PTPRN2: variants seen among roughly 807,000 people sequenced by gnomAD.
PTPRN2 encodes the protein protein tyrosine phosphatase receptor type N2.
PTPRN2 carries 74 observed loss-of-function variants against 118.8 expected under a neutral mutation model. The observed-to-expected ratio is 0.62, with a 90% CI of 0.52 to 0.76. PTPRN2 has a LOEUF of 0.76. Ranked by LOEUF, PTPRN2 falls within the 30% of genes least tolerant of loss-of-function variation. The pLI is 0.00. For synonymous variants in PTPRN2, 641 were observed against 608.0 expected (o/e 1.05, Z -0.80); for missense variants, 1,481 against 1,394.4 (o/e 1.06, Z -0.99).
chr7:157,764,866 ATCCATCCT>A lies in PTPRN2; in HGVS notation c.1789-81937_1789-81930del, dbSNP rs540884729. On this transcript the variant is annotated intron_variant, in intron 12 of 22. Coordinates refer to ENST00000389418, the MANE Select transcript of PTPRN2 (RefSeq NM_002847.5). This position sits in a 1 kb window ranked among gnomAD's most constrained non-coding sequence, Gnocchi z 4.5. Reference sequence around the variant, plus strand: ...TCATCCATCCATCCATCAAGCACTCATCCATCCTTCCATCCTTCATCCACCCATCCATC... The same window carrying A: ...TCATCCATCCATCCATCAAGCACTCATCCATCCTTCATCCACCCATCCATC... Among the ~76,000 whole-genome samples the A allele has an allele frequency of 2.6e-5, 4 of 151,774 alleles. No individual in the cohort carries two copies. The highest frequency in any genetic ancestry group is 4.2e-4 in the South Asian group (2 of 4,796).
At chr7:157,644,124 C>G (rs1020913723) in intron 14 of PTPRN2, among the ~76,000 whole-genome samples, 1 of 152,336 alleles carries the variant, frequency 6.6e-6, no homozygotes, top group South Asian at 2.1e-4. Context: ...CGCAACATAA[C>G]CTCATTTGCA....
chr7:157,594,522 C>T (rs537069825), intron 17 of PTPRN2, among the ~76,000 whole-genome samples: 2 of 152,352 alleles, frequency 1.3e-5, no homozygotes, highest in South Asian at 2.1e-4. Context: ...TTCCCACCTT[C>T]GTCCCCAGCT....
chr7:158,515,187 ATTT>A (rs56906268), intron 1 of PTPRN2, among the ~76,000 whole-genome samples: 2 of 139,154 alleles, frequency 1.4e-5, no homozygotes, highest in Non-Finnish European at 1.6e-5. Flanking sequence ...CAGTGAGTGT[ATTT>A]TTTTTTTTTT....
At chr7:158,243,386 T>C (rs1364529030) in intron 3 of PTPRN2, among the ~76,000 whole-genome samples, 1 of 152,174 alleles carries the variant, frequency 6.6e-6, no homozygotes, top group East Asian at 1.9e-4. Flanking sequence ...TAAAAATGAT[T>C]CCCATGTGAG....
intron 12 of PTPRN2, among the ~76,000 whole-genome samples, chr7:157,888,414 C>T (rs1048044023): frequency 2.6e-5 from 4 of 152,154 alleles, no homozygotes; most frequent in African/African-American, 4.8e-5. Flanking sequence ...ACCGCTTTCG[C>T]TCCATTCTGA....
At position 157,784,328 on chromosome 7, in the gene PTPRN2, G is replaced by A. The variant is rs768040959; in HGVS notation, c.1789-101391C>T. Among the ~76,000 whole-genome samples the A allele has an allele frequency of 9.9e-5, 15 of 152,134 alleles. No homozygotes were observed. The highest frequency in any genetic ancestry group is 1.6e-4 in the Non-Finnish European group (11 of 68,028). On this transcript the variant is annotated intron_variant, in intron 12 of 22. Transcript: ENST00000389418. The surrounding 1 kb of genome is among the most constrained non-coding windows in gnomAD (Gnocchi z 4.6). ...CAGCATCTGCACAGTGACGGATTAG[G>A]GGGGCGGTTCAGCAGCCCCTCGAAC...
chr7:158,274,623 G>A (rs1350689479), intron 3 of PTPRN2, among the ~76,000 whole-genome samples: 1 of 152,170 alleles, frequency 6.6e-6, no homozygotes, highest in African/African-American at 2.4e-5. Context: ...AGCCTTCCTG[G>A]GAACGCTGTG....
chr7:157,767,069 C>T (rs1473238815), intron 12 of PTPRN2, among the ~76,000 whole-genome samples: 1 of 152,126 alleles, frequency 6.6e-6, no homozygotes, highest in Non-Finnish European at 1.5e-5. Context: ...GCCACAGCTC[C>T]CCCTGCAGGG....
intron 2 of PTPRN2, among the ~76,000 whole-genome samples, chr7:158,382,605 G>A (rs112628988): frequency 0.013 from 1,905 of 152,266 alleles, 46 homozygotes; most frequent in African/African-American, 0.043. Context: ...GAGCATTCCC[G>A]CCTGAGTTCT....
intron 10 of PTPRN2, among the ~76,000 whole-genome samples, chr7:158,102,487 C>T (rs1214913227): frequency 1.3e-5 from 2 of 152,160 alleles, no homozygotes; most frequent in Non-Finnish European, 2.9e-5. Context: ...TTCCATGGCC[C>T]TCAAATGTCC....
At chr7:157,747,306 G>C (rs368747440) in intron 12 of PTPRN2, among the ~76,000 whole-genome samples, 33 of 91,938 alleles carry the variant, frequency 3.6e-4, no homozygotes, top group Admixed American at 1.7e-3. Context: ...GAGCTGTGGG[G>C]TGTCCGGGTG....
chr7:158,251,025 G>A (rs1796620067), intron 3 of PTPRN2, among the ~76,000 whole-genome samples: 1 of 152,104 alleles, frequency 6.6e-6, no homozygotes, highest in Non-Finnish European at 1.5e-5. Context: ...AATCTCGGTG[G>A]AAATCACATA....
chr7:158,006,194 G>C (rs1156520847), intron 11 of PTPRN2, among the ~76,000 whole-genome samples: 1 of 152,220 alleles, frequency 6.6e-6, no homozygotes, highest in East Asian at 1.9e-4. Flanking sequence ...CCCTAAGAAA[G>C]CAGCCAACAC....
Position 158,005,967 on chromosome 7 carries a change from C to G in PTPRN2, c.1723+75331G>C, listed in dbSNP as rs1470635716. Among the ~76,000 whole-genome samples the G allele has an allele frequency of 2.6e-5, 4 of 152,212 alleles. No individual in the cohort carries two copies. The East Asian group carries it at 5.8e-4, about 22-fold the overall frequency. On this transcript the variant is annotated intron_variant, in intron 11 of 22. Transcript: ENST00000389418. ...ACCTTAGAGGCTGAGGGGTTTCTGCCTGCATCTGAATTTCTTTGGAATGCT... is the reference window on the plus strand; with the variant it reads ...ACCTTAGAGGCTGAGGGGTTTCTGCGTGCATCTGAATTTCTTTGGAATGCT...
chr7:157,782,449 C>T (rs1196355370), intron 12 of PTPRN2, among the ~76,000 whole-genome samples: 4 of 152,104 alleles, frequency 2.6e-5, no homozygotes, highest in Admixed American at 1.3e-4. Context: ...AGCTGCAGCC[C>T]GCCCTCCACA....
intron 12 of PTPRN2, among the ~76,000 whole-genome samples, chr7:157,810,347 C>T (rs73511097): frequency 0.02 from 2,985 of 152,268 alleles, 98 homozygotes; most frequent in African/African-American, 0.065. Context: ...TGCAACTTGA[C>T]GAGGCTATGC....
At chr7:158,318,694 T>C in intron 2 of PTPRN2, among the ~76,000 whole-genome samples, 1 of 152,220 alleles carries the variant, frequency 6.6e-6, no homozygotes, top group Non-Finnish European at 1.5e-5. Context: ...CCCAGAGCAG[T>C]GACGGTGCCG....
intron 2 of PTPRN2, among the ~76,000 whole-genome samples, chr7:158,489,212 G>T (rs1171188389): frequency 6.6e-6 from 1 of 152,190 alleles, no homozygotes; most frequent in Non-Finnish European, 1.5e-5. Flanking sequence ...TTGGGAGGCC[G>T]AGGCGGGTGG....
chr7:158,478,905 A>G (rs1438165851), intron 2 of PTPRN2, among the ~76,000 whole-genome samples: 1 of 152,170 alleles, frequency 6.6e-6, no homozygotes, highest in Non-Finnish European at 1.5e-5. Context: ...AACTTACAGA[A>G]GCAGAGGTGA....
Sources: gnomAD v4.1 joint callset for allele counts (sites outside exome capture counted in the v4.1 genomes callset) on GRCh38, gnomAD v4.1.1 for gene constraint, Gnocchi (gnomAD v3.1) non-coding constraint, MANE v1.5 for transcripts, NCBI Gene and HGNC (gene_info 2026-07-23, HGNC 2026-07-21) for gene names.